ADGRL2: variants seen among roughly 807,000 people sequenced by gnomAD.
ADGRL2 encodes calcium-independent alpha-latrotoxin receptor 2.
ADGRL2 carries 44 observed loss-of-function variants against 157.4 expected under a neutral mutation model. The observed-to-expected ratio is 0.28, with a 90% CI of 0.22 to 0.36. The LOEUF is 0.36. Ranked by LOEUF, ADGRL2 falls within the 10% of genes least tolerant of loss-of-function variation. The probability of loss-of-function intolerance (pLI) is 1.00; values close to 1 mark genes in which losing one functional copy is unlikely to be tolerated. For synonymous variants in ADGRL2, 585 were observed against 624.7 expected, an observed-to-expected ratio of 0.94 and a Z score of 0.95; for missense variants, 1,510 against 1,768.9, an observed-to-expected ratio of 0.85 and a Z score of 2.63.
At chr1:81,717,461 T>C (rs1428364298) in intron 1 of ADGRL2, among the ~76,000 whole-genome samples, 1 of 152,222 alleles carries the variant, frequency 6.6e-6, no homozygotes, top group Middle Eastern at 3.2e-3. Flanking sequence ...GAAATGTCAA[T>C]AGGCTTCCTA....
At chr1:81,532,347 A>G (rs2079620525) in intron 2 of ADGRL2, among the ~76,000 whole-genome samples, 2 of 152,184 alleles carry the variant, frequency 1.3e-5, no homozygotes, top group South Asian at 2.1e-4. Context: ...TTATCCTGCT[A>G]GGAGGAATCC....
chr1:81,428,223 T>C (rs142697071), intron 1 of ADGRL2, among the ~76,000 whole-genome samples: 164 of 152,272 alleles, frequency 1.1e-3, no homozygotes, highest in African/African-American at 2.0e-3. Context: ...AGAATAGATA[T>C]TTGTGTGTTT....
intron 23 of ADGRL2, among the ~76,000 whole-genome samples, chr1:81,988,788 T>C (rs141381249): frequency 4.6e-5 from 7 of 152,290 alleles, no homozygotes; most frequent in African/African-American, 1.4e-4. Context: ...TGAAGGAAAC[T>C]GCATTTTCTA....
intron 14 of ADGRL2, 35 bp downstream of exon 14, chr1:81,968,234 A>G (rs1436468190): frequency 6.4e-7 from 1 of 1,572,038 alleles, no homozygotes; most frequent in Admixed American, 1.8e-5. Context: ...TAGCAGAGAA[A>G]AACCTCAGAG....
At chr1:81,553,061 G>T (rs529924379) in intron 2 of ADGRL2, among the ~76,000 whole-genome samples, 21 of 152,248 alleles carry the variant, frequency 1.4e-4, no homozygotes, top group African/African-American at 4.8e-4. Flanking sequence ...AAATATGTTA[G>T]TGTAGAGATG....
intron 1 of ADGRL2, among the ~76,000 whole-genome samples, chr1:81,425,549 A>G (rs1325578803): frequency 6.6e-6 from 1 of 152,220 alleles, no homozygotes; most frequent in Non-Finnish European, 1.5e-5. Flanking sequence ...ACACTCCTAT[A>G]ACAAAAGACA....
intron 16 of ADGRL2, among the ~76,000 whole-genome samples, chr1:81,971,283 A>T (rs1394523615): frequency 6.6e-6 from 1 of 152,198 alleles, no homozygotes; most frequent in Non-Finnish European, 1.5e-5. Flanking sequence ...ATCTGTCTTA[A>T]TAAGTTTATG....
At chr1:81,530,895 C>T (rs2079581639) in intron 2 of ADGRL2, among the ~76,000 whole-genome samples, 1 of 151,760 alleles carries the variant, frequency 6.6e-6, no homozygotes, top group African/African-American at 2.4e-5. Flanking sequence ...CCAACCTGGC[C>T]AATATGGTGA....
intron 2 of ADGRL2, among the ~76,000 whole-genome samples, chr1:81,545,115 C>G (rs977725663): frequency 2.0e-5 from 3 of 151,982 alleles, no homozygotes; most frequent in African/African-American, 7.3e-5. Flanking sequence ...AAGAAGGGCT[C>G]GACATTTATT....
intron 3 of ADGRL2, among the ~76,000 whole-genome samples, chr1:81,676,258 C>T (rs1488115440): frequency 6.6e-6 from 1 of 152,100 alleles, no homozygotes; most frequent in Non-Finnish European, 1.5e-5. Context: ...ATCTGCCCGC[C>T]TCGGCCTCCC....
At chr1:81,607,389 T>G (rs945227555) in intron 3 of ADGRL2, among the ~76,000 whole-genome samples, 1 of 152,186 alleles carries the variant, frequency 6.6e-6, no homozygotes, top group Non-Finnish European at 1.5e-5. Context: ...AAAGAGCAAT[T>G]AAATACACAG....
At chr1:81,842,136 G>T (rs1314617415) in intron 2 of ADGRL2, among the ~76,000 whole-genome samples, 2 of 152,010 alleles carry the variant, frequency 1.3e-5, no homozygotes, top group East Asian at 1.9e-4. Context: ...GGTGGTTGTG[G>T]TGAGGGTAGG....
intron 3 of ADGRL2, among the ~76,000 whole-genome samples, chr1:81,917,058 C>G (rs531492694): frequency 1.3e-5 from 2 of 151,906 alleles, no homozygotes; most frequent in Admixed American, 6.6e-5. Context: ...ATCTTGAACT[C>G]CTGAGCTCAA....
intron 2 of ADGRL2, among the ~76,000 whole-genome samples, chr1:81,768,941 C>T (rs200753282): frequency 8.5e-5 from 13 of 152,100 alleles, no homozygotes; most frequent in East Asian, 3.9e-4. Context: ...AAAAATTAGC[C>T]GGGCGCACTG....
chr1:81,728,716 G>T lies in ADGRL2; in HGVS notation c.-143+28908G>T, dbSNP rs145849469. 2.6e-3 allele frequency among the ~76,000 whole-genome samples: 403 copies of T among 152,200 alleles called. 1 individual carries two copies. Among genetic ancestry groups the T allele is most frequent in the African/African-American group, 9.3e-3 (385 of 41,520 alleles). On this transcript the variant is annotated intron_variant, in intron 1 of 20. Transcript: ENST00000359929. ...GCCGAGCATCTGCTTTTATTCTCTT[G>T]CTCTTGCCCCCACTCAATCTCTCTG...
rs1186316676 is a variant in ADGRL2, at chr1:81,530,947, G to T, written c.-247-49929G>T. On this transcript the variant is annotated intron_variant, in intron 2 of 24. Transcript: ENST00000370721. ...AAAACACAAAAATTTAGCCAGGCATGGTGGCGCACACCTGTAGTCCTAGCT... is the reference window on the plus strand; with the variant it reads ...AAAACACAAAAATTTAGCCAGGCATTGTGGCGCACACCTGTAGTCCTAGCT... Among the ~76,000 whole-genome samples the T allele has an allele frequency of 2.0e-5, 3 of 151,040 alleles. No homozygotes were observed. The East Asian group carries it at 5.9e-4, about 30-fold the overall frequency.
intron 1 of ADGRL2, among the ~76,000 whole-genome samples, chr1:81,732,457 C>A (rs1268952780): frequency 1.3e-5 from 2 of 152,052 alleles, no homozygotes; most frequent in African/African-American, 2.4e-5. Context: ...TTATTTAATG[C>A]CAGCACAGCC....
chr1:81,749,844 C>A (rs376787791), intron 1 of ADGRL2, among the ~76,000 whole-genome samples: 1 of 151,876 alleles, frequency 6.6e-6, no homozygotes, highest in East Asian at 1.9e-4. Context: ...CATGACTGGC[C>A]CTGTTTTGAA....
intron 2 of ADGRL2, among the ~76,000 whole-genome samples, chr1:81,569,847 A>T (rs2080645726): frequency 6.6e-6 from 1 of 152,150 alleles, no homozygotes; most frequent in African/African-American, 2.4e-5. Context: ...AATTAAACCA[A>T]AAAAGATGTC....
Sources: allele counts gnomAD v4.1 joint callset (sites outside exome capture counted in the v4.1 genomes callset), GRCh38; gene constraint gnomAD v4.1.1; transcripts MANE v1.5; gene names NCBI Gene and HGNC (gene_info 2026-07-23, HGNC 2026-07-21).